The following MTERF1 variants were observed in gnomAD, a reference collection of about 807,000 sequenced individuals.
MTERF1 encodes the protein mitochondrial transcription termination factor 1.
In MTERF1, 29 loss-of-function variants were observed where a neutral mutation model predicts 31.6. The observed-to-expected ratio is 0.92, with a 90% CI of 0.68 to 1.25. MTERF1 has a LOEUF of 1.25. MTERF1 is among the 50% of genes most tolerant of loss of function. The pLI, the probability that MTERF1 is intolerant of heterozygous loss-of-function variation, is 0.00. For missense variants in MTERF1, 500 were observed against 469.1 expected (o/e 1.07, Z -0.61); for synonymous variants, 152 against 164.1 (o/e 0.93, Z 0.57).
At position 91,873,422 on chromosome 7, in the gene MTERF1, T is replaced by A. The variant is rs1349288831; in HGVS notation, c.*172A>T. ...ACTCTGACCTCCTCTTTTGCCTCCC[T>A]CTTCAACTTTTAAAGATCCCTACAA... On this transcript the variant is annotated 3_prime_UTR_variant, in exon 3 of 3. Transcript: ENST00000351870. The A allele has an allele frequency of 4.9e-6, 3 of 617,982 alleles. No individual in the cohort carries two copies. Among genetic ancestry groups the A allele is most frequent in the Non-Finnish European group, 8.1e-6 (3 of 368,372 alleles). The allele number at this position is 617,982 out of a possible 1,614,324, so 38.3% of individuals were successfully genotyped here. A position where few individuals can be genotyped will look rare whatever the true frequency, so the allele number is the denominator to read the frequency against.
intron 1 of MTERF1, chr7:91,880,345 G>A: frequency 2.2e-6 from 1 of 462,746 alleles, no homozygotes; most frequent in Admixed American, 3.9e-5. Context: ...AAAGCTAAGT[G>A]CTTCATATAT....
intron 2 of MTERF1, chr7:91,876,928 T>A: frequency 1.0e-6 from 1 of 985,418 alleles, no homozygotes; most frequent in Non-Finnish European, 1.2e-6. Flanking sequence ...GACTGACCTC[T>A]ACTGGAATAA....
At position 91,874,419 on chromosome 7, in the gene MTERF1, TATG is replaced by T; in HGVS notation, c.372_374del (p.Ile125del). 1 of 1,614,166 alleles carries T rather than the reference TATG, an allele frequency of 6.2e-7. No individual in the cohort carries two copies. On this transcript the variant is annotated inframe_deletion, in exon 3 of 3. Coordinates refer to ENST00000351870, the MANE Select transcript of MTERF1 (RefSeq NM_006980.5). ...GTGTTATTGCTCGTGGATATCTTGA[TATG>T]ATGCTAGCGATCACTTCTTTGCTAG... is the stretch of plus-strand genomic sequence containing the variant.
chr7:91,879,531 T>A (rs1337247212), intron 2 of MTERF1, among the ~76,000 whole-genome samples: 2 of 152,122 alleles, frequency 1.3e-5, no homozygotes, highest in Admixed American at 6.5e-5. Flanking sequence ...GATGAAAAAA[T>A]TTAAACAAGT....
At position 91,874,198 on chromosome 7, in the gene MTERF1, T is replaced by C. The variant is rs746986129; in HGVS notation, c.596A>G (p.Asn199Ser). The change falls in exon 3 of 3, where the codon AAT becomes AGT. Residue 199 changes from asparagine to serine, a missense_variant. Asn to Ser is a conservative substitution (Grantham distance 46, BLOSUM62 1). Coordinates refer to ENST00000351870, the MANE Select transcript of MTERF1 (RefSeq NM_006980.5). ...TRKCLCRLLTNAPRTFSNSLD... is the reference protein window; with the variant it reads ...TRKCLCRLLTSAPRTFSNSLD... ...ACTATTGGAGAAGGTACGAGGGGCA[T>C]TGGTCAACAATCGACAAAGGCATTT... 4.0e-5 allele frequency: 64 copies of C among 1,614,022 alleles called. No individual in the cohort carries two copies. Among genetic ancestry groups the C allele is most frequent in the Non-Finnish European group, 4.7e-5 (56 of 1,180,036 alleles).
Position 91,874,558 on chromosome 7 carries a change from A to C in MTERF1, c.236T>G (p.Leu79Ter), listed in dbSNP as rs147741556. 1.1e-3 allele frequency: 1,697 copies of C among 1,614,122 alleles called. 6 individuals are homozygous for C. The highest frequency in any genetic ancestry group is 3.9e-3 in the South Asian group (355 of 91,074). The change falls in exon 3 of 3, where the codon TTA becomes TGA. Residue 79 changes from leucine (L) to a stop codon, truncating the protein, a stop_gained. Transcript: ENST00000351870. LOFTEE classifies it high-confidence loss of function. Reference protein sequence around the residue: ...PLKNEDLLKNLLTMGVDIDMA... With the variant: ...PLKNEDLLKN ...GTCAATATCTACTCCCATAGTAAGT[A>C]AGTTTTTCAGTAGGTCCTCATTTTT...
rs1034561318 is a variant in MTERF1, at chr7:91,871,987, G to A, written c.*1607C>T. 6.6e-6 allele frequency: 1 copy of A among 152,236 alleles called. No individual in the cohort carries two copies. Among genetic ancestry groups the A allele is most frequent in the African/African-American group, 2.4e-5 (1 of 41,432 alleles). 9.4% of individuals were successfully genotyped at this position (152,236 alleles called of 1,614,324 possible). A position where few individuals can be genotyped will look rare whatever the true frequency, so the allele number is the denominator to read the frequency against. On this transcript the variant is annotated 3_prime_UTR_variant, in exon 3 of 3. Transcript: ENST00000351870. ...GACTGGTGGCTTTATAAGAGGAAAA[G>A]AGACCTAAGTACATTAGCAATCGCC...
chr7:91,876,044 T>C (rs982863285), intron 2 of MTERF1, among the ~76,000 whole-genome samples: 5 of 152,210 alleles, frequency 3.3e-5, no homozygotes, highest in Non-Finnish European at 7.3e-5. Flanking sequence ...TTCTGGGCTG[T>C]TTGCATCTGT....
chr7:91,878,669 T>C (rs1292223148), intron 2 of MTERF1, among the ~76,000 whole-genome samples: 6 of 152,046 alleles, frequency 3.9e-5, no homozygotes, highest in African/African-American at 1.5e-4. Context: ...ACCCTTATTC[T>C]ACAAAAAATC....
At chr7:91,877,137 A>G (rs1789365921) in intron 2 of MTERF1, among the ~76,000 whole-genome samples, 1 of 152,276 alleles carries the variant, frequency 6.6e-6, no homozygotes, top group Admixed American at 6.5e-5. Flanking sequence ...AAACAAATGT[A>G]CATATATTGT....
Position 91,874,040 on chromosome 7 carries a change from C to A in MTERF1, c.754G>T (p.Val252Leu). 6.2e-7 allele frequency: 1 copy of A among 1,614,114 alleles called. No homozygotes were observed. The highest frequency in any genetic ancestry group is 8.5e-7 in the Non-Finnish European group (1 of 1,180,024). ...CGTAAGAATTCAATGTTAGCTTTCA[C>A]CCGCTTGGTGCTCTGAATTAAGATA... Reference protein sequence around the residue: ...PFILIQSTKRVKANIEFLRST... With the variant: ...PFILIQSTKRLKANIEFLRST... The change falls in exon 3 of 3, where the codon GTG (valine) becomes TTG (leucine). Residue 252 changes from valine (V) to leucine (L), a missense_variant. Physicochemically the swap from Val to Leu is conservative, Grantham distance 32. Coordinates refer to ENST00000351870, the MANE Select transcript of MTERF1 (RefSeq NM_006980.5).
rs756534818 is a variant in MTERF1, at chr7:91,874,258, T to C, written c.536A>G (p.Asn179Ser). 3.1e-6 allele frequency: 5 copies of C among 1,614,044 alleles called. No individual in the cohort carries two copies. The highest frequency in any genetic ancestry group is 1.1e-5 in the South Asian group (1 of 91,066). The change falls in exon 3 of 3, where the codon AAT becomes AGT. Residue 179 changes from asparagine (N) to serine (S), a missense_variant. Physicochemically the swap from Asn to Ser is conservative, Grantham distance 46. Transcript: ENST00000351870. ...RSNNNLNLEN[N>S]IKFLYSVGLT... Reference sequence around the variant, plus strand: ...TCCAACTGAGTAGAGGAACTTTATATTATTCTCTAAGTTTAGGTTGTTATT... The same window carrying C: ...TCCAACTGAGTAGAGGAACTTTATACTATTCTCTAAGTTTAGGTTGTTATT...
rs144315661 is a variant in MTERF1, at chr7:91,874,600, G to A, written c.194C>T (p.Thr65Ile). ...CTCATTTTTCAAAGGCTCACTGTCT[G>A]TATTATGACACTTCACACCAAAAAG... ...FRLFGVKCHN[T>I]DSEPLKNEDL... Residue 65 changes from threonine to isoleucine, a missense_variant, in exon 3 of 3, where the codon ACA becomes ATA. Physicochemically the swap from Thr to Ile is moderately conservative, Grantham distance 89. Transcript: ENST00000351870. 5.8e-3 allele frequency: 9,404 copies of A among 1,614,006 alleles called. 77 individuals are homozygous for A. Among genetic ancestry groups the A allele is most frequent in the South Asian group, 0.024 (2,184 of 91,072 alleles).
chr7:91,878,014 G>T (rs1789389359), intron 2 of MTERF1, among the ~76,000 whole-genome samples: 1 of 152,022 alleles, frequency 6.6e-6, no homozygotes, highest in African/African-American at 2.4e-5. Flanking sequence ...CTTTCTTTTA[G>T]AAAGGCCCAT....
chr7:91,872,873 T>C lies in MTERF1; in HGVS notation c.*721A>G, dbSNP rs1315468647. The stretch of plus-strand genomic sequence containing the variant: ...CCAACAAAATGCACAGAAATGATTA[T>C]CATTTCCTTAAACTATATTAGGCAA... On this transcript the variant is annotated 3_prime_UTR_variant, in exon 3 of 3. Coordinates refer to ENST00000351870, the MANE Select transcript of MTERF1 (RefSeq NM_006980.5). 1 of 152,172 alleles carries C rather than the reference T, an allele frequency of 6.6e-6. No individual in the cohort carries two copies. The highest frequency in any genetic ancestry group is 6.5e-5 in the Admixed American group (1 of 15,278). 9.4% of individuals were successfully genotyped at this position (152,172 alleles called of 1,614,324 possible).
rs1466959072 is a variant in MTERF1 at position 91,874,173 on chromosome 7, A to G, written c.621T>C (p.Ser207=). ...LTNAPRTFSN[S]LDLNKQMVEF... is the part of the protein sequence containing the mutation. Reference sequence around the variant, plus strand: ...CAACCATCTGTTTATTCAGATCAAGACTATTGGAGAAGGTACGAGGGGCAT... The same window carrying G: ...CAACCATCTGTTTATTCAGATCAAGGCTATTGGAGAAGGTACGAGGGGCAT... The change falls in exon 3 of 3, where the codon AGT becomes AGC. Residue 207 remains serine (S), a synonymous_variant. Transcript: ENST00000351870. 2.5e-6 allele frequency: 4 copies of G among 1,614,056 alleles called. No individual in the cohort carries two copies. The highest frequency in any genetic ancestry group is 3.3e-5 in the Admixed American group (2 of 59,984).
chr7:91,874,613 T>G lies in MTERF1; in HGVS notation c.181A>C (p.Lys61Gln). The G allele has an allele frequency of 1.2e-6, 2 of 1,614,166 alleles. No homozygotes were observed. The change falls in exon 3 of 3, where the codon AAG becomes CAG. Residue 61 changes from lysine (K) to glutamine (Q), a missense_variant. Transcript: ENST00000351870. The stretch of plus-strand genomic sequence containing the variant: ...GGCTCACTGTCTGTATTATGACACT[T>G]CACACCAAAAAGCCTAAATGAAACT... ...KSVSFRLFGVKCHNTDSEPLK... is the reference protein window; with the variant it reads ...KSVSFRLFGVQCHNTDSEPLK...
At position 91,874,374 on chromosome 7, in the gene MTERF1, TGAAA is replaced by T; in HGVS notation, c.416_419del (p.Leu139GlnfsTer11). 3 of 1,614,180 alleles carry T rather than the reference TGAAA, an allele frequency of 1.9e-6. No individual in the cohort carries two copies. The highest frequency in any genetic ancestry group is 2.5e-6 in the Non-Finnish European group (3 of 1,180,038). ...TCTTTCTCCACAGATCCCACCGTTT[TGAAA>T]GATTCTCGGGAGTACGTGTTATTGC... On this transcript the variant is annotated frameshift_variant, in exon 3 of 3. Transcript: ENST00000351870. LOFTEE classifies it high-confidence loss of function.
chr7:91,880,218 C>A, intron 1 of MTERF1, 105 bp from the exon 2 acceptor site: 1 of 880,228 alleles, frequency 1.1e-6, no homozygotes, highest in Non-Finnish European at 1.8e-6. Flanking sequence ...ATTATGTTCT[C>A]GTGAGATGCA....
Sources: allele counts gnomAD v4.1 joint callset (sites outside exome capture counted in the v4.1 genomes callset), GRCh38; gene constraint gnomAD v4.1.1; transcripts MANE v1.5; gene names NCBI Gene and HGNC (gene_info 2026-07-23, HGNC 2026-07-21).